The following CDH12 variants were observed in gnomAD, a reference collection of about 807,000 sequenced individuals.
The protein encoded by CDH12 is cadherin 12.
In CDH12, 41 loss-of-function variants were observed where a neutral mutation model predicts 74.1. The ratio of observed to expected loss-of-function variants is 0.55; its 90% CI spans 0.43 to 0.72. The LOEUF (loss-of-function observed/expected upper bound fraction) is 0.72, where lower values mean the gene tolerates loss of function less well. CDH12 is among the 30% of genes least tolerant of loss of function. The pLI, the probability that CDH12 is intolerant of heterozygous loss-of-function variation, is 0.00. For missense variants in CDH12, 945 were observed against 977.2 expected (o/e 0.97, Z 0.44); for synonymous variants, 399 against 355.0 (o/e 1.12, Z -1.39).
chr5:22,664,259 G>A (rs924646738), intron 1 of CDH12, among the ~76,000 whole-genome samples: 8 of 152,096 alleles, frequency 5.3e-5, no homozygotes, highest in African/African-American at 1.4e-4. Context: ...AGAATTGCCC[G>A]ATACTGGGTA....
At chr5:22,595,624 G>A (rs951459418) in intron 1 of CDH12, among the ~76,000 whole-genome samples, 1 of 152,114 alleles carries the variant, frequency 6.6e-6, no homozygotes. Flanking sequence ...CATCTCCTAT[G>A]CCTAACCCAA....
chr5:21,754,709 C>T (rs1744287708), intron 14 of CDH12, among the ~76,000 whole-genome samples: 1 of 151,922 alleles, frequency 6.6e-6, no homozygotes, highest in East Asian at 1.9e-4. Flanking sequence ...CCATATTTGT[C>T]AGATTATTTT....
At chr5:22,439,386 A>T (rs967775905) in intron 2 of CDH12, among the ~76,000 whole-genome samples, 6 of 152,074 alleles carry the variant, frequency 3.9e-5, no homozygotes, top group Non-Finnish European at 7.4e-5. Context: ...AACTTTAGGG[A>T]ATGATTCAGG....
intron 1 of CDH12, among the ~76,000 whole-genome samples, chr5:22,759,679 T>A (rs1746107397): frequency 6.6e-6 from 1 of 152,234 alleles, no homozygotes; most frequent in South Asian, 2.1e-4. Context: ...GGTCTATTTT[T>A]TCTCCCTTCT....
intron 2 of CDH12, among the ~76,000 whole-genome samples, chr5:22,460,676 T>C (rs1404231394): frequency 2.6e-5 from 4 of 151,420 alleles, no homozygotes; most frequent in Non-Finnish European, 5.9e-5. Flanking sequence ...AAATAAATTA[T>C]GCAACTTTTC....
At chr5:22,743,260 T>TTATATATATATATATATATA (rs71609778) in intron 1 of CDH12, among the ~76,000 whole-genome samples, 2 of 90,422 alleles carry the variant, frequency 2.2e-5, no homozygotes, top group East Asian at 6.4e-4. Flanking sequence ...AGCATGGAGA[T>TTATATATATATATATATATA]TATATATATA....
At chr5:22,353,119 C>T (rs1329899548) in intron 3 of CDH12, among the ~76,000 whole-genome samples, 2 of 152,180 alleles carry the variant, frequency 1.3e-5, no homozygotes, top group Non-Finnish European at 2.9e-5. Flanking sequence ...TTACAGTCAT[C>T]AGTCTTATAT....
intron 1 of CDH12, among the ~76,000 whole-genome samples, chr5:22,561,544 C>T (rs557754461): frequency 6.6e-6 from 1 of 152,146 alleles, no homozygotes; most frequent in South Asian, 2.1e-4. Context: ...TCTATTTCTT[C>T]ATCCTATCTT....
intron 1 of CDH12, among the ~76,000 whole-genome samples, chr5:22,649,675 G>A (rs1031433541): frequency 6.6e-6 from 1 of 151,946 alleles, no homozygotes; most frequent in African/African-American, 2.4e-5. Flanking sequence ...AAAATGAGAT[G>A]GCAATGCCAA....
intron 5 of CDH12, among the ~76,000 whole-genome samples, chr5:22,055,912 A>G (rs974998465): frequency 1.3e-5 from 2 of 152,150 alleles, no homozygotes; most frequent in South Asian, 2.1e-4. Flanking sequence ...TAGTTAGTGC[A>G]TGTTTGCACA....
intron 1 of CDH12, among the ~76,000 whole-genome samples, chr5:22,546,593 T>A (rs1176761978): frequency 6.6e-6 from 1 of 152,212 alleles, no homozygotes; most frequent in East Asian, 1.9e-4. Flanking sequence ...GAGTAAGTGT[T>A]ATACTGAATT....
intron 1 of CDH12, among the ~76,000 whole-genome samples, chr5:22,529,184 TATATA>T (rs1737454912): frequency 1.2e-5 from 1 of 83,628 alleles, no homozygotes; most frequent in East Asian, 3.0e-4. Context: ...TATATATATA[TATATA>T]GAGAGAGAGA....
chr5:22,103,979 T>A (rs2150252620), intron 4 of CDH12, among the ~76,000 whole-genome samples: 1 of 152,192 alleles, frequency 6.6e-6, no homozygotes, highest in Non-Finnish European at 1.5e-5. Context: ...GGAAGAAAAA[T>A]CAATAATGCA....
At chr5:22,310,376 C>T (rs866240021) in intron 3 of CDH12, among the ~76,000 whole-genome samples, 2 of 151,176 alleles carry the variant, frequency 1.3e-5, no homozygotes, top group South Asian at 2.1e-4. Flanking sequence ...GAAGGAGAAT[C>T]GCTGGAACCC....
At chr5:22,640,757 C>T (rs549185177) in intron 1 of CDH12, among the ~76,000 whole-genome samples, 20 of 152,240 alleles carry the variant, frequency 1.3e-4, no homozygotes, top group African/African-American at 4.8e-4. Context: ...CATGCAAAAC[C>T]CATCACTTTC....
rs146958573 is a variant in CDH12, at chr5:22,102,106, C to G, written c.-186-23244G>C. On this transcript the variant is annotated intron_variant, in intron 4 of 14. Coordinates refer to ENST00000382254, the MANE Select transcript of CDH12 (RefSeq NM_004061.5). ...GTGAAAATATATATTTATAAAGTCACTGATAATTGGATATTGGCGTCAGAC... is the reference window on the plus strand; with the variant it reads ...GTGAAAATATATATTTATAAAGTCAGTGATAATTGGATATTGGCGTCAGAC... 1.2e-3 allele frequency among the ~76,000 whole-genome samples: 185 copies of G among 152,240 alleles called. 1 individual carries two copies. Among genetic ancestry groups the G allele is most frequent in the African/African-American group, 4.2e-3 (175 of 41,534 alleles).
intron 4 of CDH12, among the ~76,000 whole-genome samples, chr5:22,120,997 T>C (rs1745482172): frequency 6.6e-6 from 1 of 152,200 alleles, no homozygotes; most frequent in African/African-American, 2.4e-5. Flanking sequence ...AGCAACATTA[T>C]ATGTAATTAA....
chr5:22,367,619 T>A (rs1200121600), intron 3 of CDH12, among the ~76,000 whole-genome samples: 2 of 152,200 alleles, frequency 1.3e-5, no homozygotes, highest in African/African-American at 4.8e-5. Flanking sequence ...CTGTACTTAA[T>A]GTACATAAGA....
chr5:21,822,793 A>T (rs143957444), intron 8 of CDH12, among the ~76,000 whole-genome samples: 95 of 152,254 alleles, frequency 6.2e-4, no homozygotes, highest in African/African-American at 2.2e-3. Flanking sequence ...ATATACATGA[A>T]TAAGAATTGC....
Sources: allele counts gnomAD v4.1 joint callset (sites outside exome capture counted in the v4.1 genomes callset), GRCh38; gene constraint gnomAD v4.1.1; transcripts MANE v1.5; gene names NCBI Gene and HGNC (gene_info 2026-07-23, HGNC 2026-07-21).